The following SKP1 variants were observed in gnomAD, a reference collection of about 807,000 sequenced individuals.
SKP1 encodes S-phase kinase-associated protein 1.
SKP1 carries 1 observed loss-of-function variant against 21.5 expected under a neutral mutation model. The observed-to-expected ratio is 0.05, with a 90% CI of 0.02 to 0.22. The LOEUF is 0.22. Ranked by LOEUF, SKP1 falls within the 10% of genes least tolerant of loss-of-function variation. The probability of loss-of-function intolerance (pLI) is 1.00; values close to 1 mark genes in which losing one functional copy is unlikely to be tolerated. For synonymous variants in SKP1, 59 were observed against 59.3 expected, an observed-to-expected ratio of 0.99 and a Z score of 0.03; for missense variants, 70 against 192.0, an observed-to-expected ratio of 0.36 and a Z score of 3.76.
intron 2 of SKP1, among the ~76,000 whole-genome samples, chr5:134,167,650 A>C (rs1308964501): frequency 1.3e-5 from 2 of 151,790 alleles, no homozygotes; most frequent in East Asian, 3.9e-4. Context: ...AGCCTCCCCG[A>C]GTAGCTGGGA....
intron 2 of SKP1, among the ~76,000 whole-genome samples, chr5:134,170,409 G>A (rs1369072723): frequency 1.5e-4 from 23 of 152,026 alleles, no homozygotes; most frequent in Non-Finnish European, 2.9e-5. Flanking sequence ...TTAGTTTCAG[G>A]GACTTCTGAA....
At chr5:134,166,826 T>A (rs1322135539) in intron 3 of SKP1, among the ~76,000 whole-genome samples, 1 of 152,192 alleles carries the variant, frequency 6.6e-6, no homozygotes, top group Non-Finnish European at 1.5e-5. Context: ...TACAGAAGAC[T>A]ATTTAACAGT....
intron 2 of SKP1, chr5:134,173,508 T>C (rs1761484538): frequency 3.0e-6 from 1 of 337,198 alleles, no homozygotes; most frequent in South Asian, 2.4e-5. Context: ...AATCAATAAA[T>C]AAAATCTACA....
intron 3 of SKP1, among the ~76,000 whole-genome samples, chr5:134,164,258 G>A (rs778184376): frequency 6.7e-6 from 1 of 149,986 alleles, no homozygotes; most frequent in African/African-American, 2.5e-5. Context: ...GGCAGAGGCT[G>A]CAGTGAGCCA....
chr5:134,174,570 T>A (rs1028519892), intron 1 of SKP1: 2 of 608,630 alleles, frequency 3.3e-6, no homozygotes, highest in Non-Finnish European at 2.1e-6. Context: ...GATAAGCAGA[T>A]GTGAGTACAA....
At chr5:134,175,631 A>G (rs1261180565) in intron 1 of SKP1, 4 of 152,226 alleles carry the variant, frequency 2.6e-5, no homozygotes, top group Non-Finnish European at 5.9e-5. Flanking sequence ...ATAACTCAAG[A>G]TAAGTGCTTA....
In SKP1 at chr5:134,165,163, T is replaced by C. The variant is rs147324841; in HGVS notation, c.171+2007A>G. Among the ~76,000 whole-genome samples the C allele has an allele frequency of 3.9e-3, 601 of 152,186 alleles. 8 individuals are homozygous for C. Among genetic ancestry groups the C allele is most frequent in the African/African-American group, 0.013 (557 of 41,516 alleles). ...AAGTTCTGAAAATGCTTAGTGGTGATAGCTGCACAACACTGTGAATGTAAT... is the reference window on the plus strand; with the variant it reads ...AAGTTCTGAAAATGCTTAGTGGTGACAGCTGCACAACACTGTGAATGTAAT... On this transcript the variant is annotated intron_variant, in intron 3 of 5. Coordinates refer to ENST00000353411, the MANE Select transcript of SKP1 (RefSeq NM_170679.3).
intron 3 of SKP1, among the ~76,000 whole-genome samples, chr5:134,163,241 T>TACC (rs78734074): frequency 7.9e-6 from 1 of 125,844 alleles, no homozygotes; most frequent in Non-Finnish European, 1.6e-5. Flanking sequence ...TCACTATCAC[T>TACC]ACTAACAAAA....
rs547455825 is a variant in SKP1 at position 134,155,086 on chromosome 5, C to T, written c.*2647G>A. The T allele has an allele frequency of 6.6e-6, 1 of 152,224 alleles. No homozygotes were observed. The highest frequency in any genetic ancestry group is 1.5e-5 in the Non-Finnish European group (1 of 68,040). 9.4% of individuals were successfully genotyped at this position (152,224 alleles called of 1,614,324 possible). ...AGTTCTGGAACTAATATAAAGCAGA[C>T]TGCACTAGATCTATAAAACCGTAGT... On this transcript the variant is annotated 3_prime_UTR_variant, in exon 6 of 6. Coordinates refer to ENST00000353411, the MANE Select transcript of SKP1 (RefSeq NM_170679.3).
At position 134,158,568 on chromosome 5, in the gene SKP1, A is replaced by C. The variant is rs1322167017; in HGVS notation, c.343T>G (p.Leu115Val). 1 of 1,613,524 alleles carries C rather than the reference A, an allele frequency of 6.2e-7. No individual in the cohort carries two copies. Among genetic ancestry groups the C allele is most frequent in the Admixed American group, 1.7e-5 (1 of 60,016 alleles). ...LAANYLDIKG[L>V]LDVTCKTVAN... ...ACAGTCTTGCATGTAACATCAAGCA[A>C]ACCTTTGATGTCTAAGTAGTTTGCA... The change falls in exon 5 of 6, where the codon TTG (leucine) becomes GTG (valine). Residue 115 changes from leucine to valine, a missense_variant. Around this residue, in one of 4 missense-constraint regions of SKP1, gnomAD observed 14 missense variants for 82.1 expected, o/e 0.17. Transcript: ENST00000353411.
intron 3 of SKP1, among the ~76,000 whole-genome samples, chr5:134,162,059 A>C (rs1377289170): frequency 1.4e-5 from 2 of 140,448 alleles, no homozygotes; most frequent in Non-Finnish European, 3.1e-5. Context: ...GCCAGGATCC[A>C]AAAAAAAAAA....
rs1321480872 is a variant in SKP1, at chr5:134,150,012, T to TC, written c.*7720dup. 1 of 152,150 alleles carries TC rather than the reference T, an allele frequency of 6.6e-6. No individual in the cohort carries two copies. Among genetic ancestry groups the TC allele is most frequent in the Non-Finnish European group, 1.5e-5 (1 of 68,030 alleles). The allele number at this position is 152,150 out of a possible 1,614,324, so 9.4% of individuals were successfully genotyped here. A position where few individuals can be genotyped will look rare whatever the true frequency, so the allele number is the denominator to read the frequency against. The stretch of plus-strand genomic sequence containing the variant: ...CTGCCAGCTGAGAACCAACCCTGTT[T>TC]CCTGAGACATCATAAGACAAGATAC... On this transcript the variant is annotated 3_prime_UTR_variant, in exon 6 of 6. Coordinates refer to ENST00000353411, the MANE Select transcript of SKP1 (RefSeq NM_170679.3).
At chr5:134,173,763 T>C in intron 2 of SKP1, 163 bp downstream of exon 2, 5 of 697,152 alleles carry the variant, frequency 7.2e-6, no homozygotes, top group Non-Finnish European at 1.3e-5. Context: ...GCAGAAAGGA[T>C]GACCTGTATC....
chr5:134,158,073 T>G, intron 5 of SKP1: 7 of 1,442,494 alleles, frequency 4.9e-6, no homozygotes, highest in Non-Finnish European at 5.5e-6. Context: ...AAAATCATTC[T>G]GATCTATTCT....
Position 134,151,680 on chromosome 5 carries a change from GAA to G in SKP1, c.*6051_*6052del. The G allele has an allele frequency of 2.2e-6, 1 of 456,212 alleles. No individual in the cohort carries two copies. Among genetic ancestry groups the G allele is most frequent in the Non-Finnish European group, 4.4e-6 (1 of 226,924 alleles). 28.3% of individuals were successfully genotyped at this position (456,212 alleles called of 1,614,324 possible). A position where few individuals can be genotyped will look rare whatever the true frequency, so the allele number is the denominator to read the frequency against. ...GAAAATTTAAAGTTGACAGATATCAGAAGGTCGCAAGAACTACAGATGTGGAA... is the reference window on the plus strand; with the variant it reads ...GAAAATTTAAAGTTGACAGATATCAGGGTCGCAAGAACTACAGATGTGGAA... On this transcript the variant is annotated 3_prime_UTR_variant, in exon 6 of 6. Coordinates refer to ENST00000353411, the MANE Select transcript of SKP1 (RefSeq NM_170679.3).
chr5:134,164,375 T>C (rs1761289085), intron 3 of SKP1, among the ~76,000 whole-genome samples: 1 of 150,256 alleles, frequency 6.7e-6, no homozygotes, highest in Non-Finnish European at 1.5e-5. Flanking sequence ...GTAAGACATC[T>C]CCTGACCATC....
chr5:134,163,861 T>TC (rs1561719913), intron 3 of SKP1, among the ~76,000 whole-genome samples: 1 of 151,942 alleles, frequency 6.6e-6, no homozygotes, highest in African/African-American at 2.4e-5. Context: ...TGGCCCTACA[T>TC]CACCCAACCC....
At chr5:134,157,805 A>G in intron 5 of SKP1, 37 bp from the exon 6 acceptor site, 1 of 1,612,758 alleles carries the variant, frequency 6.2e-7, no homozygotes, top group African/African-American at 1.3e-5. Flanking sequence ...CCTTAACTTG[A>G]GTAGTCTTTC....
At position 134,158,693 on chromosome 5, in the gene SKP1, G is replaced by A. The variant is rs1008484764; in HGVS notation, c.316-98C>T. ...CTCCGTATCTAATAAAGCTTAAAAT[G>A]CTAATTTTAAGAAATTAAAGGGAGA... On this transcript the variant is annotated intron_variant, in intron 4 of 5. Coordinates refer to ENST00000353411, the MANE Select transcript of SKP1 (RefSeq NM_170679.3). 13 of 1,058,176 alleles carry A rather than the reference G, an allele frequency of 1.2e-5. No homozygotes were observed. The East Asian group carries it at 2.1e-4, about 17-fold the overall frequency. The allele number at this position is 1,058,176 out of a possible 1,614,324, so 65.5% of individuals were successfully genotyped here. A position where few individuals can be genotyped will look rare whatever the true frequency, so the allele number is the denominator to read the frequency against.
Sources: allele counts gnomAD v4.1 joint callset (sites outside exome capture counted in the v4.1 genomes callset), GRCh38; gene constraint gnomAD v4.1.1; regional missense constraint gnomAD v4.1.1; transcripts MANE v1.5; gene names NCBI Gene and HGNC (gene_info 2026-07-23, HGNC 2026-07-21).